ATP2B2: variants seen among roughly 807,000 people sequenced by gnomAD.
The protein encoded by ATP2B2 is ATPase plasma membrane Ca2+ transporting 2.
A neutral mutation model predicts 120.0 loss-of-function variants in ATP2B2; 15 were observed. The observed-to-expected ratio is 0.12, with a 90% CI of 0.08 to 0.19. The LOEUF is 0.19. ATP2B2 is among the 10% of genes least tolerant of loss of function. ATP2B2 has a pLI of 1.00. For missense variants in ATP2B2, 1,045 were observed against 1,719.8 expected, an observed-to-expected ratio of 0.61 and a Z score of 6.94; for synonymous variants, 694 against 700.3, an observed-to-expected ratio of 0.99 and a Z score of 0.14.
At chr3:10,610,076 TACACAC>T (rs34843797) in intron 2 of ATP2B2, among the ~76,000 whole-genome samples, 2,101 of 146,662 alleles carry the variant, frequency 0.014, 40 homozygotes, top group African/African-American at 0.049. Context: ...TATACACACA[TACACAC>T]ACACACACAC....
intron 2 of ATP2B2, among the ~76,000 whole-genome samples, chr3:10,578,359 A>G (rs2068301934): frequency 6.6e-6 from 1 of 152,030 alleles, no homozygotes; most frequent in Admixed American, 6.5e-5. Flanking sequence ...CCTGGCTAAC[A>G]TGGTGAAATC....
At chr3:10,472,619 C>G (rs903750680) in intron 1 of ATP2B2, among the ~76,000 whole-genome samples, 25 of 152,282 alleles carry the variant, frequency 1.6e-4, no homozygotes, top group African/African-American at 6.0e-4. Context: ...ACTGTCTCCC[C>G]GAAATCCAAT....
At chr3:10,386,392 T>C in intron 7 of ATP2B2, 88 bp downstream of exon 7, 1 of 1,436,474 alleles carries the variant, frequency 7.0e-7, no homozygotes, top group Non-Finnish European at 9.8e-7. Flanking sequence ...CCTCCAGCTG[T>C]GTGCTGGTGG....
intron 12 of ATP2B2, among the ~76,000 whole-genome samples, chr3:10,369,095 C>T (rs2061153542): frequency 6.6e-6 from 1 of 152,198 alleles, no homozygotes; most frequent in African/African-American, 2.4e-5. Flanking sequence ...GTCTTATTTT[C>T]CCAGTCTAGG....
At chr3:10,641,620 G>A (rs2070174523) in intron 1 of ATP2B2, among the ~76,000 whole-genome samples, 1 of 152,208 alleles carries the variant, frequency 6.6e-6, no homozygotes. Flanking sequence ...GCAATGTCTG[G>A]TCTAGAACAA....
intron 8 of ATP2B2, among the ~76,000 whole-genome samples, chr3:10,382,311 T>C (rs1215252548): frequency 1.4e-5 from 2 of 147,160 alleles, no homozygotes; most frequent in Non-Finnish European, 3.0e-5. Context: ...GTTGGGATTA[T>C]AGGCATGAAG....
intron 2 of ATP2B2, among the ~76,000 whole-genome samples, chr3:10,448,799 C>A (rs78775840): frequency 1.3e-3 from 204 of 152,338 alleles, no homozygotes; most frequent in African/African-American, 4.6e-3. Context: ...AGCCCAGTGG[C>A]AGGGAATTGG....
At chr3:10,624,123 A>T (rs1447737253) in intron 1 of ATP2B2, among the ~76,000 whole-genome samples, 4 of 152,194 alleles carry the variant, frequency 2.6e-5, no homozygotes, top group Non-Finnish European at 5.9e-5. Flanking sequence ...CATAGAAACC[A>T]GCTTAGTTTG....
At chr3:10,656,904 G>A (rs1322177694) in intron 1 of ATP2B2, among the ~76,000 whole-genome samples, 1 of 152,244 alleles carries the variant, frequency 6.6e-6, no homozygotes, top group Non-Finnish European at 1.5e-5. Flanking sequence ...CCTGGGGCAG[G>A]AGCAAGCTTT....
chr3:10,477,433 T>G (rs1405162505), intron 1 of ATP2B2, among the ~76,000 whole-genome samples: 4 of 152,230 alleles, frequency 2.6e-5, no homozygotes, highest in Admixed American at 2.6e-4. Context: ...CATTTTTAAG[T>G]GCACAGTTCA....
rs2060475653 is a variant in ATP2B2, at chr3:10,347,976, A to C, written c.2405-1839T>G. On this transcript the variant is annotated intron_variant, in intron 16 of 22. Coordinates refer to ENST00000360273, the MANE Select transcript of ATP2B2 (RefSeq NM_001001331.4). This position sits in a 1 kb window ranked among gnomAD's most constrained non-coding sequence, Gnocchi z 5.2. ...CCTCCTTCCTTGTCTTCCCGGCACC[A>C]CTCCCCACTGACCATCCTCCTGCCC... Among the ~76,000 whole-genome samples, 1 of 149,398 alleles carries C rather than the reference A, an allele frequency of 6.7e-6. No homozygotes were observed. The highest frequency in any genetic ancestry group is 1.5e-5 in the Non-Finnish European group (1 of 67,282).
intron 1 of ATP2B2, among the ~76,000 whole-genome samples, chr3:10,658,333 C>G (rs924097378): frequency 4.2e-5 from 5 of 118,226 alleles, no homozygotes; most frequent in African/African-American, 1.2e-4. Flanking sequence ...CACAAAGAAG[C>G]TAAAAACCTT....
intron 3 of ATP2B2, among the ~76,000 whole-genome samples, chr3:10,514,235 G>A (rs1049671329): frequency 2.0e-5 from 3 of 152,158 alleles, no homozygotes; most frequent in Non-Finnish European, 4.4e-5. Flanking sequence ...ATAGGTCTGG[G>A]GAACACTTGG....
intron 18 of ATP2B2, 113 bp downstream of exon 18, chr3:10,345,271 C>T: frequency 8.1e-7 from 1 of 1,238,084 alleles, no homozygotes; most frequent in Non-Finnish European, 1.1e-6. Flanking sequence ...TCGATGGGTG[C>T]CTCATCCCCG....
At position 10,402,456 on chromosome 3, in the gene ATP2B2, G is replaced by A; in HGVS notation, c.398-108C>T. The A allele has an allele frequency of 6.6e-7, 1 of 1,504,716 alleles. No individual in the cohort carries two copies. Among genetic ancestry groups the A allele is most frequent in the Non-Finnish European group, 9.1e-7 (1 of 1,095,350 alleles). 93.2% of individuals were successfully genotyped at this position (1,504,716 alleles called of 1,614,324 possible). A position where few individuals can be genotyped will look rare whatever the true frequency, so the allele number is the denominator to read the frequency against. On this transcript the variant is annotated intron_variant, in intron 3 of 22. Transcript: ENST00000360273. This position sits in a 1 kb window ranked among gnomAD's most constrained non-coding sequence, Gnocchi z 4.9. ...GCAAAGTAACAAGTGTTAAGAATCA[G>A]ATGATAATTATCCACTTACTCAGTG...
In ATP2B2 at chr3:10,511,783, G is replaced by A. The variant is rs143933189; in HGVS notation, c.-320+22256C>T. On this transcript the variant is annotated intron_variant, in intron 3 of 21. Transcript: ENST00000646379. ...CCTACAACCTGACACTCCGCCATTC[G>A]TAATTCATTTCTTTGGATCATTCAG... Among the ~76,000 whole-genome samples, 19 of 152,274 alleles carry A rather than the reference G, an allele frequency of 1.2e-4. 1 individual carries two copies. Among genetic ancestry groups the A allele is most frequent in the Admixed American group, 2.0e-4 (3 of 15,304 alleles).
intron 2 of ATP2B2, among the ~76,000 whole-genome samples, chr3:10,568,399 G>A (rs1461648626): frequency 6.6e-6 from 1 of 152,124 alleles, no homozygotes. Flanking sequence ...GCTCATGGGT[G>A]TCCCATGGTG....
At chr3:10,476,611 T>C (rs2065212939) in intron 1 of ATP2B2, among the ~76,000 whole-genome samples, 1 of 152,216 alleles carries the variant, frequency 6.6e-6, no homozygotes, top group Non-Finnish European at 1.5e-5. Flanking sequence ...CAGGATCCTG[T>C]AGTCAGTAAC....
At chr3:10,571,095 G>T (rs763483415) in intron 2 of ATP2B2, among the ~76,000 whole-genome samples, 1 of 152,218 alleles carries the variant, frequency 6.6e-6, no homozygotes, top group South Asian at 2.1e-4. Flanking sequence ...TTGAACTGGT[G>T]GTGGGGGAAA....
Sources: gnomAD v4.1 joint callset for allele counts (sites outside exome capture counted in the v4.1 genomes callset) on GRCh38, gnomAD v4.1.1 for gene constraint, Gnocchi (gnomAD v3.1) non-coding constraint, MANE v1.5 for transcripts, NCBI Gene and HGNC (gene_info 2026-07-23, HGNC 2026-07-21) for gene names.